PALM2AKAP2: variants seen among roughly 807,000 people sequenced by gnomAD.
PALM2AKAP2 encodes PALM2 and AKAP2 fusion.
A neutral mutation model predicts 71.5 loss-of-function variants in PALM2AKAP2; 37 were observed. The observed-to-expected ratio is 0.52, with a 90% confidence interval of 0.40 to 0.68. The LOEUF is 0.68. Among genes scored for constraint, PALM2AKAP2 ranks in the 30% least tolerant of loss-of-function variants. The pLI is 0.00. For synonymous variants in PALM2AKAP2, 468 were observed against 478.8 expected (o/e 0.98, Z 0.29); for missense variants, 1,224 against 1,191.8 (o/e 1.03, Z -0.40).
intron 1 of PALM2AKAP2, among the ~76,000 whole-genome samples, chr9:109,823,601 A>G (rs1213127267): frequency 6.6e-6 from 1 of 152,140 alleles, no homozygotes; most frequent in African/African-American, 2.4e-5. Flanking sequence ...GTGGCTGGAG[A>G]TACAGAAGAA....
chr9:109,703,446 A>G (rs1828094707), intron 1 of PALM2AKAP2, among the ~76,000 whole-genome samples: 1 of 152,186 alleles, frequency 6.6e-6, no homozygotes, highest in Non-Finnish European at 1.5e-5. Context: ...TTCTGGCAAT[A>G]TGTTTTTATG....
chr9:110,158,016 C>G (rs1305663421), intron 3 of PALM2AKAP2, among the ~76,000 whole-genome samples: 1 of 152,186 alleles, frequency 6.6e-6, no homozygotes, highest in Non-Finnish European at 1.5e-5. Flanking sequence ...TAGGCTGCAG[C>G]TATTCTACTG....
chr9:110,080,157 C>G (rs1452471898), intron 1 of PALM2AKAP2, among the ~76,000 whole-genome samples: 1 of 151,030 alleles, frequency 6.6e-6, no homozygotes, highest in African/African-American at 2.4e-5. Context: ...TCAGTTTTGT[C>G]AGTGTACATT....
chr9:110,069,115 A>T (rs1887517), intron 1 of PALM2AKAP2, among the ~76,000 whole-genome samples: 2,031 of 152,174 alleles, frequency 0.013, 37 homozygotes, highest in African/African-American at 0.047. Context: ...GAAAGAGCCC[A>T]GTAGAGGTAG....
At chr9:109,966,860 C>T (rs1319598060) in intron 6 of PALM2AKAP2, among the ~76,000 whole-genome samples, 2 of 152,144 alleles carry the variant, frequency 1.3e-5, no homozygotes, top group Admixed American at 6.5e-5. Flanking sequence ...GTAGCAAGCT[C>T]CCAGGTGGTC....
At chr9:109,945,795 T>C (rs771825427) in intron 6 of PALM2AKAP2, 2 of 152,196 alleles carry the variant, frequency 1.3e-5, no homozygotes, top group Non-Finnish European at 1.5e-5. Context: ...AAGGGACCTA[T>C]CCTTGCATAA....
intron 1 of PALM2AKAP2, among the ~76,000 whole-genome samples, chr9:110,049,759 A>C (rs1312806117): frequency 1.3e-5 from 2 of 152,196 alleles, no homozygotes; most frequent in African/African-American, 4.8e-5. Flanking sequence ...CGGAGTGGAT[A>C]GGAGGGGAGT....
intron 3 of PALM2AKAP2, among the ~76,000 whole-genome samples, chr9:109,906,524 A>G (rs546863513): frequency 6.6e-6 from 1 of 152,316 alleles, no homozygotes; most frequent in African/African-American, 2.4e-5. Context: ...AATATTGCCA[A>G]CTTTTTTTCA....
At chr9:109,810,427 G>C (rs751657205) in intron 1 of PALM2AKAP2, among the ~76,000 whole-genome samples, 23 of 152,192 alleles carry the variant, frequency 1.5e-4, no homozygotes, top group Non-Finnish European at 1.5e-4. Flanking sequence ...TTTCTAGAAA[G>C]GGGCAGTGAC....
chr9:109,707,785 A>T (rs569567808), intron 1 of PALM2AKAP2, among the ~76,000 whole-genome samples: 1 of 152,280 alleles, frequency 6.6e-6, no homozygotes, highest in East Asian at 1.9e-4. Flanking sequence ...TTTTCACCCC[A>T]GTCTCCAGGA....
chr9:109,645,012 C>A (rs911455661), intron 1 of PALM2AKAP2, among the ~76,000 whole-genome samples: 1 of 152,210 alleles, frequency 6.6e-6, no homozygotes, highest in African/African-American at 2.4e-5. Flanking sequence ...TTACCCAATT[C>A]CAAAGTTGGC....
chr9:110,018,792 T>G (rs1833024956), intron 7 of PALM2AKAP2, among the ~76,000 whole-genome samples: 1 of 152,246 alleles, frequency 6.6e-6, no homozygotes, highest in East Asian at 1.9e-4. Flanking sequence ...GGATTCCCAA[T>G]TACGGAGCAG....
exon 2 of PALM2AKAP2, chr9:110,137,402 A>C (rs1333070227): frequency 6.2e-7 from 1 of 1,614,178 alleles, no homozygotes; most frequent in Admixed American, 1.7e-5. Flanking sequence ...CTCAGCCGCC[A>C]AGGGACAGAA....
intron 7 of PALM2AKAP2, among the ~76,000 whole-genome samples, chr9:110,021,742 A>T (rs766059248): frequency 4.9e-5 from 4 of 82,022 alleles, no homozygotes; most frequent in Non-Finnish European, 9.2e-5. Flanking sequence ...CATTGAATTT[A>T]AAAAAAAAAA....
chr9:110,022,253 G>A (rs901416661), intron 7 of PALM2AKAP2, among the ~76,000 whole-genome samples: 1 of 152,122 alleles, frequency 6.6e-6, no homozygotes, highest in African/African-American at 2.4e-5. Flanking sequence ...GCTGAGTTGA[G>A]CTTTGCACGG....
intron 3 of PALM2AKAP2, among the ~76,000 whole-genome samples, chr9:109,904,445 T>C (rs977649698): frequency 6.6e-6 from 1 of 152,230 alleles, no homozygotes; most frequent in African/African-American, 2.4e-5. Flanking sequence ...TCAGGAGGCT[T>C]GTGATCATTC....
At chr9:109,796,973 G>A (rs962707437) in intron 1 of PALM2AKAP2, among the ~76,000 whole-genome samples, 5 of 152,134 alleles carry the variant, frequency 3.3e-5, no homozygotes, top group Admixed American at 2.6e-4. Context: ...TGTTAGCTAG[G>A]GGGTGGTAAA....
At chr9:109,765,276 T>A (rs995383962) in intron 1 of PALM2AKAP2, 1 of 152,260 alleles carries the variant, frequency 6.6e-6, no homozygotes, top group Non-Finnish European at 1.5e-5. Flanking sequence ...CTGCCACATC[T>A]GTGCTATATG....
chr9:109,835,830 T>A (rs1161988897), intron 1 of PALM2AKAP2, among the ~76,000 whole-genome samples: 3 of 152,144 alleles, frequency 2.0e-5, no homozygotes, highest in Non-Finnish European at 4.4e-5. Context: ...CAAGGCTTGG[T>A]GAGGGGTGCC....
Sources: gnomAD v4.1 joint callset for allele counts (sites outside exome capture counted in the v4.1 genomes callset) on GRCh38, gnomAD v4.1.1 for gene constraint, MANE v1.5 for transcripts, NCBI Gene and HGNC (gene_info 2026-07-23, HGNC 2026-07-21) for gene names.